The following SHROOM3 variants were observed in gnomAD, a reference collection of about 807,000 sequenced individuals.
The protein encoded by SHROOM3 is shroom family member 3.
SHROOM3 carries 47 observed loss-of-function variants against 138.6 expected under a neutral mutation model. The ratio of observed to expected loss-of-function variants is 0.34; its 90% CI spans 0.27 to 0.43. The LOEUF is 0.43. Ranked by LOEUF, SHROOM3 falls within the 20% of genes least tolerant of loss-of-function variation. The pLI is 1.00. For missense variants in SHROOM3, 2,491 were observed against 2,596.5 expected, an observed-to-expected ratio of 0.96 and a Z score of 0.88; for synonymous variants, 1,062 against 1,063.3, an observed-to-expected ratio of 1.00 and a Z score of 0.02.
chr4:76,761,065 TAGGC>T (rs1721973388), intron 9 of SHROOM3, among the ~76,000 whole-genome samples: 3 of 152,190 alleles, frequency 2.0e-5, no homozygotes, highest in African/African-American at 7.2e-5. Context: ...AATCGGGGCA[TAGGC>T]AGGTTTGTTA....
At chr4:76,605,982 C>CATAT (rs1734607673) in intron 2 of SHROOM3, among the ~76,000 whole-genome samples, 4 of 94,954 alleles carry the variant, frequency 4.2e-5, no homozygotes, top group African/African-American at 4.9e-5. Flanking sequence ...CACATATACA[C>CATAT]ACACACACAT....
intron 1 of SHROOM3, among the ~76,000 whole-genome samples, chr4:76,516,913 C>G (rs1017632156): frequency 6.6e-6 from 1 of 152,182 alleles, no homozygotes; most frequent in African/African-American, 2.4e-5. Flanking sequence ...TTCCATCATA[C>G]CCAGATTTTA....
chr4:76,496,632 C>T (rs1261099976), intron 1 of SHROOM3, among the ~76,000 whole-genome samples: 1 of 152,132 alleles, frequency 6.6e-6, no homozygotes. Context: ...ACTTGCTGTC[C>T]TTGTCTCCTA....
chr4:76,593,390 C>T (rs1362536523), intron 2 of SHROOM3, among the ~76,000 whole-genome samples: 2 of 152,078 alleles, frequency 1.3e-5, no homozygotes, highest in African/African-American at 2.4e-5. Flanking sequence ...CAGAAAGGTA[C>T]CATGTTTTTA....
At chr4:76,638,489 T>C (rs1055696257) in intron 2 of SHROOM3, among the ~76,000 whole-genome samples, 1 of 152,136 alleles carries the variant, frequency 6.6e-6, no homozygotes, top group Admixed American at 6.5e-5. Context: ...TTCAAGGCTG[T>C]AGTAAGCTAT....
At chr4:76,770,194 G>A (rs969308970) in intron 9 of SHROOM3, among the ~76,000 whole-genome samples, 2 of 151,492 alleles carry the variant, frequency 1.3e-5, no homozygotes, top group African/African-American at 2.4e-5. Flanking sequence ...GTGGTGGTGG[G>A]CACCTGTAAT....
At chr4:76,461,343 A>G (rs1731139031) in intron 1 of SHROOM3, among the ~76,000 whole-genome samples, 1 of 152,224 alleles carries the variant, frequency 6.6e-6, no homozygotes, top group Non-Finnish European at 1.5e-5. Flanking sequence ...TATAAAAGAC[A>G]TCTGACTTTT....
At chr4:76,766,133 C>A (rs1193133619) in intron 9 of SHROOM3, among the ~76,000 whole-genome samples, 8 of 152,222 alleles carry the variant, frequency 5.3e-5, no homozygotes, top group Non-Finnish European at 1.0e-4. Context: ...TCCTCACTTT[C>A]CTCATCGGTA....
intron 7 of SHROOM3, 129 bp from the exon 8 acceptor site, chr4:76,756,320 G>A (rs1721808410): frequency 3.6e-6 from 4 of 1,101,450 alleles, no homozygotes; most frequent in Non-Finnish European, 1.3e-6. Flanking sequence ...TGGAAGATGT[G>A]GAAAGCTACA....
chr4:76,502,460 T>C (rs945398744), intron 1 of SHROOM3, among the ~76,000 whole-genome samples: 2 of 152,158 alleles, frequency 1.3e-5, no homozygotes, highest in Non-Finnish European at 2.9e-5. Context: ...CTTGTGGGAC[T>C]GAACCCTCAA....
intron 1 of SHROOM3, among the ~76,000 whole-genome samples, chr4:76,527,059 C>G (rs868033461): frequency 6.6e-6 from 1 of 152,140 alleles, no homozygotes; most frequent in African/African-American, 2.4e-5. Flanking sequence ...TACTTTCTTT[C>G]TTTCTTTCAC....
chr4:76,515,771 A>C (rs1228477904), intron 1 of SHROOM3, among the ~76,000 whole-genome samples: 1 of 152,190 alleles, frequency 6.6e-6, no homozygotes, highest in Non-Finnish European at 1.5e-5. Context: ...CCATTGCCAA[A>C]TTTAATTTTA....
chr4:76,708,250 T>G (rs1720122381), intron 2 of SHROOM3, among the ~76,000 whole-genome samples: 1 of 152,098 alleles, frequency 6.6e-6, no homozygotes, highest in Non-Finnish European at 1.5e-5. Flanking sequence ...CTCTTTCTGG[T>G]CTGCCTGCTC....
At chr4:76,633,332 CAAAAAAAAA>C (rs56002974) in intron 2 of SHROOM3, among the ~76,000 whole-genome samples, 2 of 83,862 alleles carry the variant, frequency 2.4e-5, no homozygotes, top group African/African-American at 9.3e-5. Context: ...GACTCAGTCT[CAAAAAAAAA>C]AAAAAAAAAA....
chr4:76,527,384 A>T (rs1255662928), intron 1 of SHROOM3, among the ~76,000 whole-genome samples: 1 of 152,152 alleles, frequency 6.6e-6, no homozygotes, highest in African/African-American at 2.4e-5. Flanking sequence ...GGAGTTTGAG[A>T]CCAGCCTGGC....
intron 1 of SHROOM3, among the ~76,000 whole-genome samples, chr4:76,471,739 AT>A (rs1731378865): frequency 6.6e-6 from 1 of 152,192 alleles, no homozygotes; most frequent in Non-Finnish European, 1.5e-5. Flanking sequence ...CTTAAACACC[AT>A]TTTTTGAACA....
chr4:76,609,850 CT>C (rs541512363), intron 2 of SHROOM3, among the ~76,000 whole-genome samples: 4 of 152,128 alleles, frequency 2.6e-5, no homozygotes, highest in Admixed American at 6.5e-5. Flanking sequence ...CATTAATTTA[CT>C]TTTTTTCAGT....
At chr4:76,620,070 CAAAAAA>C (rs68039696) in intron 2 of SHROOM3, among the ~76,000 whole-genome samples, 6 of 61,096 alleles carry the variant, frequency 9.8e-5, no homozygotes, top group African/African-American at 3.0e-4. Context: ...GAATCTATCT[CAAAAAA>C]AAAAAAAAAA....
chr4:76,719,406 A>G (rs1410519192), intron 3 of SHROOM3, among the ~76,000 whole-genome samples: 1 of 152,236 alleles, frequency 6.6e-6, no homozygotes, highest in Non-Finnish European at 1.5e-5. Context: ...ATGAGAGTTG[A>G]GAAACAGAAA....
Sources: allele counts gnomAD v4.1 joint callset (sites outside exome capture counted in the v4.1 genomes callset), GRCh38; gene constraint gnomAD v4.1.1; transcripts MANE v1.5; gene names NCBI Gene and HGNC (gene_info 2026-07-23, HGNC 2026-07-21).